The following WDR89 variants were observed in gnomAD, a reference collection of about 807,000 sequenced individuals.
WDR89 encodes WD repeat-containing protein 89.
A neutral mutation model predicts 29.1 loss-of-function variants in WDR89; 17 were observed. The observed-to-expected ratio is 0.58, with a 90% CI of 0.40 to 0.88. The LOEUF (loss-of-function observed/expected upper bound fraction) is 0.88. WDR89 is among the 40% of genes least tolerant of loss of function. The probability of loss-of-function intolerance (pLI) is 0.00; values close to 1 mark genes in which losing one functional copy is unlikely to be tolerated. For missense variants in WDR89, 396 were observed against 456.3 expected, an observed-to-expected ratio of 0.87 and a Z score of 1.20; for synonymous variants, 138 against 157.8, an observed-to-expected ratio of 0.87 and a Z score of 0.94.
chr14:63,640,356 T>C (rs956167186), intron 1 of WDR89, among the ~76,000 whole-genome samples: 1 of 152,224 alleles, frequency 6.6e-6, no homozygotes, highest in Admixed American at 6.5e-5. Context: ...ATTTCAATTA[T>C]ACAGGTGAAA....
intron 2 of WDR89, among the ~76,000 whole-genome samples, chr14:63,610,531 A>G (rs1881896170): frequency 6.6e-6 from 1 of 152,062 alleles, no homozygotes; most frequent in African/African-American, 2.4e-5. Flanking sequence ...CACTGTGACC[A>G]ACTGATCAAG....
At chr14:63,605,038 T>C (rs1895245182) in intron 2 of WDR89, among the ~76,000 whole-genome samples, 2 of 152,060 alleles carry the variant, frequency 1.3e-5, no homozygotes, top group African/African-American at 4.8e-5. Flanking sequence ...TAGTCCCATC[T>C]ACTGGGGAGG....
chr14:63,641,727 C>G (rs1884156810), intron 1 of WDR89, 77 bp downstream of exon 1: 1 of 152,766 alleles, frequency 6.5e-6, no homozygotes, highest in Non-Finnish European at 1.5e-5. Flanking sequence ...GCTTTCTAGA[C>G]TCAACCACGG....
intron 2 of WDR89, among the ~76,000 whole-genome samples, chr14:63,613,821 CTTTTTTTTTT>C (rs751893850): frequency 8.3e-6 from 1 of 121,068 alleles, no homozygotes; most frequent in Middle Eastern, 3.8e-3. Context: ...TTTTAAACAT[CTTTTTTTTTT>C]TTTTTTTTTT....
chr14:63,636,689 GT>G (rs1202985614), intron 1 of WDR89, among the ~76,000 whole-genome samples: 1 of 152,178 alleles, frequency 6.6e-6, no homozygotes, highest in African/African-American at 2.4e-5. Flanking sequence ...TCAACAAATG[GT>G]GCTGGGATAA....
rs1254171173 is a variant in WDR89, at chr14:63,603,309, CT to C, written c.-31-3337del. On this transcript the variant is annotated intron_variant, in intron 2 of 2. Coordinates refer to ENST00000620954, the MANE Select transcript of WDR89 (RefSeq NM_080666.4). ...ACCCCACTGCTTTTTAAAAATGAAC[CT>C]TTTGATGAGAGTTAGCTGCAGACAA... 6.6e-5 allele frequency among the ~76,000 whole-genome samples: 10 copies of C among 152,180 alleles called. No individual in the cohort carries two copies. In the East Asian group the frequency reaches 1.9e-3, roughly 29 times the overall value.
intron 2 of WDR89, chr14:63,601,475 T>C (rs17101315): frequency 0.05 from 61,393 of 1,216,820 alleles, 3,119 homozygotes; most frequent in African/African-American, 0.24. Context: ...TTCTTGACAC[T>C]AGAGCAGAGT....
At chr14:63,637,563 T>A (rs1436715124) in intron 1 of WDR89, among the ~76,000 whole-genome samples, 3 of 152,168 alleles carry the variant, frequency 2.0e-5, no homozygotes, top group African/African-American at 7.2e-5. Flanking sequence ...GGTGTGTGTG[T>A]GTGTATATAT....
intron 1 of WDR89, among the ~76,000 whole-genome samples, chr14:63,637,052 T>C (rs1417015906): frequency 6.7e-6 from 1 of 149,760 alleles, no homozygotes; most frequent in African/African-American, 2.5e-5. Context: ...TACAACGAAC[T>C]CAAATCAGTA....
At chr14:63,641,035 T>C (rs1042738726) in intron 1 of WDR89, among the ~76,000 whole-genome samples, 1 of 143,990 alleles carries the variant, frequency 6.9e-6, no homozygotes, top group African/African-American at 2.6e-5. Flanking sequence ...GGGGCGGAGG[T>C]TGCAGTAAGC....
At chr14:63,617,073 C>G (rs1344294051) in intron 2 of WDR89, among the ~76,000 whole-genome samples, 1 of 136,820 alleles carries the variant, frequency 7.3e-6, no homozygotes, top group Non-Finnish European at 1.5e-5. Context: ...ACTTTAATTA[C>G]AAGCTTTTTT....
chr14:63,631,985 G>A (rs1437015785), intron 1 of WDR89, among the ~76,000 whole-genome samples: 3 of 151,828 alleles, frequency 2.0e-5, no homozygotes, highest in South Asian at 4.1e-4. Context: ...GATGGGACAC[G>A]CCTGTAATCC....
intron 1 of WDR89, among the ~76,000 whole-genome samples, chr14:63,639,193 C>G (rs544029533): frequency 6.6e-6 from 1 of 152,182 alleles, no homozygotes; most frequent in East Asian, 1.9e-4. Flanking sequence ...TCCAGTGAAA[C>G]TGATTTCATA....
intron 1 of WDR89, among the ~76,000 whole-genome samples, chr14:63,630,501 G>A (rs951681032): frequency 1.4e-4 from 22 of 151,990 alleles, no homozygotes; most frequent in African/African-American, 4.6e-4. Context: ...AAAATTAGCC[G>A]GGATGGTGGC....
intron 1 of WDR89, among the ~76,000 whole-genome samples, chr14:63,641,097 CAAA>C (rs57478091): frequency 9.4e-5 from 6 of 64,166 alleles, no homozygotes; most frequent in Non-Finnish European, 1.1e-4. Context: ...GACTCCATCT[CAAA>C]AAAAAAAAAA....
At chr14:63,620,573 T>G (rs896317219) in intron 2 of WDR89, among the ~76,000 whole-genome samples, 3 of 151,954 alleles carry the variant, frequency 2.0e-5, no homozygotes, top group African/African-American at 7.2e-5. Context: ...TTAGTAACAA[T>G]GTACTGTACA....
intron 1 of WDR89, among the ~76,000 whole-genome samples, chr14:63,634,497 G>A (rs1370601689): frequency 6.6e-6 from 1 of 151,426 alleles, no homozygotes; most frequent in Non-Finnish European, 1.5e-5. Context: ...ACTCCAGCCT[G>A]GGCGACAGAG....
chr14:63,624,486 A>G (rs1882908229), intron 2 of WDR89, among the ~76,000 whole-genome samples: 1 of 148,046 alleles, frequency 6.8e-6, no homozygotes, highest in Admixed American at 6.6e-5. Flanking sequence ...AAACCACAAC[A>G]AAACAAAAAA....
At chr14:63,620,551 T>C (rs994051539) in intron 2 of WDR89, among the ~76,000 whole-genome samples, 2 of 151,968 alleles carry the variant, frequency 1.3e-5, no homozygotes, top group African/African-American at 4.8e-5. Flanking sequence ...CTGTATAATA[T>C]GGTGACTACA....
Sources: allele counts gnomAD v4.1 joint callset (sites outside exome capture counted in the v4.1 genomes callset), GRCh38; gene constraint gnomAD v4.1.1; transcripts MANE v1.5; gene names NCBI Gene and HGNC (gene_info 2026-07-23, HGNC 2026-07-21).